The following MORC4 variants were observed in gnomAD, a reference collection of about 807,000 sequenced individuals.
The protein encoded by MORC4 is MORC family CW-type zinc finger protein 4.
Under a neutral mutation model 65.5 loss-of-function variants are expected in MORC4, and 22 were observed. The ratio of observed to expected loss-of-function variants is 0.34; its 90% CI spans 0.24 to 0.48. MORC4 has a LOEUF of 0.48. MORC4 is among the 20% of genes least tolerant of loss of function. The pLI is 0.99. For missense variants in MORC4, 624 were observed against 703.0 expected (o/e 0.89, Z 1.27); for synonymous variants, 267 against 255.8 (o/e 1.04, Z -0.42).
rs1417383143 is a variant in MORC4, at chrX:106,942,531, T to A, written c.2360A>T (p.Asn787Ile). ...TACCCTAACCTTTTGCTGGAACAAA[T>A]TCCTTTCAGCCAAAACACGTTCCAA... is the stretch of plus-strand genomic sequence containing the variant. ...EKLERVLAERNLFQQKVEELE... is the reference protein window; with the variant it reads ...EKLERVLAERILFQQKVEELE... Residue 787 changes from asparagine (N) to isoleucine (I), a missense_variant, in exon 15 of 17, where the codon AAT (asparagine) becomes ATT (isoleucine). Physicochemically the swap from Asn to Ile is moderately radical, Grantham distance 149. Coordinates refer to ENST00000355610, the MANE Select transcript of MORC4 (RefSeq NM_024657.5). 8.3e-7 allele frequency: 1 copy of A among 1,209,795 alleles called. No homozygotes were observed. The highest frequency in any genetic ancestry group is 3.0e-5 in the East Asian group (1 of 33,844).
chrX:106,988,459 A>G (rs1430732258), intron 3 of MORC4, among the ~76,000 whole-genome samples: 1 of 111,596 alleles, frequency 9.0e-6, no homozygotes, highest in Non-Finnish European at 1.9e-5. Context: ...GAATAACGAG[A>G]AGAGAGGAGC....
At position 106,986,156 on chromosome X, in the gene MORC4, A is replaced by G. The variant is rs754473466; in HGVS notation, c.353T>C (p.Ile118Thr). ...CTTGAAACCATTACCAAAGACCCCAATGGGACACTGGCTCTTCTTTATTAC... is the reference window on the plus strand; with the variant it reads ...CTTGAAACCATTACCAAAGACCCCAGTGGGACACTGGCTCTTCTTTATTAC... Reference protein sequence around the residue: ...DKVIKKSQCPIGVFGNGFKSG... With the variant: ...DKVIKKSQCPTGVFGNGFKSG... Residue 118 changes from isoleucine (I) to threonine (T), a missense_variant, in exon 4 of 17, where the codon ATT becomes ACT. By Grantham distance (89) the Ile-to-Thr change is moderately conservative (BLOSUM62 -1). Coordinates refer to ENST00000355610, the MANE Select transcript of MORC4 (RefSeq NM_024657.5). 2.5e-6 allele frequency: 3 copies of G among 1,209,978 alleles called. No homozygotes were observed. The highest frequency in any genetic ancestry group is 3.4e-6 in the Non-Finnish European group (3 of 894,361).
At chrX:106,989,772 T>C (rs1264602289) in intron 3 of MORC4, among the ~76,000 whole-genome samples, 1 of 95,958 alleles carries the variant, frequency 1.0e-5, no homozygotes, top group African/African-American at 3.9e-5. Context: ...GAGGCTGAGG[T>C]AGGAGAATCA....
chrX:106,984,663 G>A lies in MORC4; in HGVS notation c.674+433C>T, dbSNP rs776345007. Among the ~76,000 whole-genome samples the A allele has an allele frequency of 4.2e-3, 419 of 100,152 alleles. 1 individual carries two copies. Among genetic ancestry groups the A allele is most frequent in the Non-Finnish European group, 6.0e-3 (309 of 51,726 alleles). 87.0% of individuals were successfully genotyped at this position (100,152 alleles called of 115,157 possible). ...TTTGTATTTTTTTTTTAATAGAGAC[G>A]GGGTTTCACCATGTTGGCCAGGTGA... On this transcript the variant is annotated intron_variant, in intron 5 of 16. Transcript: ENST00000355610.
Position 106,981,442 on chromosome X carries a change from G to T in MORC4, c.710C>A (p.Thr237Lys). 8.4e-7 allele frequency: 1 copy of T among 1,195,935 alleles called. No homozygotes were observed. Among genetic ancestry groups the T allele is most frequent in the Non-Finnish European group, 1.1e-6 (1 of 888,584 alleles). ...TGATACCAGGATGTCATATTGATCT[G>T]TATCAAAGTCCAACTCAGATTTTCC... Reference protein sequence around the residue: ...KNGKSELDFDTDQYDILVSDF... With the variant: ...KNGKSELDFDKDQYDILVSDF... Residue 237 changes from threonine to lysine, a missense_variant, in exon 6 of 17, where the codon ACA (threonine) becomes AAA (lysine). Thr to Lys is a moderately conservative substitution (Grantham distance 78). Transcript: ENST00000355610.
At chrX:106,979,673 G>C (rs1238634541) in intron 7 of MORC4, among the ~76,000 whole-genome samples, 1 of 110,912 alleles carries the variant, frequency 9.0e-6, no homozygotes, top group Non-Finnish European at 1.9e-5. Flanking sequence ...GGTTTAATGG[G>C]AAGGGAGTCT....
chrX:106,976,241 CT>C (rs1019234659), intron 9 of MORC4, among the ~76,000 whole-genome samples: 1 of 111,108 alleles, frequency 9.0e-6, no homozygotes, highest in African/African-American at 3.3e-5. Flanking sequence ...TTTCAAACTG[CT>C]TTTTTTTATC....
At chrX:106,985,897 T>A in intron 4 of MORC4, 86 bp downstream of exon 4, 1 of 747,592 alleles carries the variant, frequency 1.3e-6, no homozygotes, top group Non-Finnish European at 2.0e-6. Context: ...CTTCTGACAG[T>A]TGGATTTGAC....
chrX:106,989,242 C>T (rs747258932), intron 3 of MORC4, among the ~76,000 whole-genome samples: 2 of 112,304 alleles, frequency 1.8e-5, no homozygotes, highest in East Asian at 2.8e-4. Context: ...AGAGGTTTTC[C>T]ACCTTGCTGA....
chrX:106,996,786 T>G (rs1010256878), intron 2 of MORC4, among the ~76,000 whole-genome samples: 1 of 112,133 alleles, frequency 8.9e-6, no homozygotes, highest in Non-Finnish European at 1.9e-5. Context: ...TCTCCTAACT[T>G]GGCTCGTGCT....
intron 11 of MORC4, 92 bp from the exon 12 acceptor site, chrX:106,957,096 T>A: frequency 2.0e-6 from 1 of 492,394 alleles, no homozygotes; most frequent in Non-Finnish European, 3.4e-6. Flanking sequence ...GGTTAACAAC[T>A]CTCTAACATT....
intron 12 of MORC4, among the ~76,000 whole-genome samples, 187 bp from the exon 13 acceptor site, chrX:106,956,721 G>C (rs1172558959): frequency 9.0e-6 from 1 of 111,659 alleles, no homozygotes; most frequent in Non-Finnish European, 1.9e-5. Flanking sequence ...CCACCAGAGA[G>C]AGAGAGAGAG....
At chrX:106,946,646 T>C (rs1458178506) in intron 14 of MORC4, among the ~76,000 whole-genome samples, 1 of 112,335 alleles carries the variant, frequency 8.9e-6, no homozygotes, top group Non-Finnish European at 1.9e-5. Context: ...GGTATAAACT[T>C]AGGTGTGGCA....
intron 7 of MORC4, 104 bp from the exon 8 acceptor site, chrX:106,978,303 G>A: frequency 1.2e-6 from 1 of 821,068 alleles, no homozygotes; most frequent in Non-Finnish European, 1.7e-6. Flanking sequence ...GACATAAATT[G>A]GTACAACCTT....
intron 9 of MORC4, among the ~76,000 whole-genome samples, chrX:106,967,478 A>C (rs1411398335): frequency 1.8e-5 from 2 of 112,173 alleles, no homozygotes; most frequent in Non-Finnish European, 3.8e-5. Flanking sequence ...TGACAAGTTG[A>C]CAGAAGTAGG....
At chrX:106,996,433 G>A (rs924652721) in intron 2 of MORC4, among the ~76,000 whole-genome samples, 2 of 110,000 alleles carry the variant, frequency 1.8e-5, no homozygotes, top group Non-Finnish European at 3.8e-5. Flanking sequence ...CCCTTCATTC[G>A]GTCTCAGCAA....
chrX:106,996,630 G>A (rs1004246178), intron 2 of MORC4, among the ~76,000 whole-genome samples: 2 of 111,179 alleles, frequency 1.8e-5, no homozygotes, highest in African/African-American at 6.6e-5. Context: ...TCCAGCCAAT[G>A]AACAGGTAGC....
In MORC4 at chrX:106,941,646, T is replaced by C; in HGVS notation, c.2661-14A>G. 8.3e-6 allele frequency: 10 copies of C among 1,203,092 alleles called. No individual in the cohort carries two copies. Among genetic ancestry groups the C allele is most frequent in the African/African-American group, 1.7e-5 (1 of 57,315 alleles). On this transcript the variant is annotated splice_polypyrimidine_tract_variant and intron_variant, in intron 16 of 16. Coordinates refer to ENST00000355610, the MANE Select transcript of MORC4 (RefSeq NM_024657.5). ...TTTGCCAAAGCCCTGTATGAAGGAG[T>C]GAGGGGGCAGGAGAAGAGATGACAT...
At chrX:106,993,525 T>G (rs747341195) in intron 2 of MORC4, among the ~76,000 whole-genome samples, 163 bp from the exon 3 acceptor site, 1 of 112,184 alleles carries the variant, frequency 8.9e-6, no homozygotes, top group African/African-American at 3.2e-5. Flanking sequence ...TACTAAATTA[T>G]AGAGAACAAA....
Sources: gnomAD v4.1 joint callset for allele counts (sites outside exome capture counted in the v4.1 genomes callset) on GRCh38, gnomAD v4.1.1 for gene constraint, MANE v1.5 for transcripts, NCBI Gene and HGNC (gene_info 2026-07-23, HGNC 2026-07-21) for gene names.